KIAA0825: variants seen among roughly 807,000 people sequenced by gnomAD.
KIAA0825 encodes uncharacterized protein KIAA0825.
Under a neutral mutation model 147.6 loss-of-function variants are expected in KIAA0825, and 119 were observed. The ratio of observed to expected loss-of-function variants is 0.81; its 90% CI spans 0.69 to 0.94. The LOEUF is 0.94. KIAA0825 is among the 40% of genes least tolerant of loss of function. The pLI, the probability that KIAA0825 is intolerant of heterozygous loss-of-function variation, is 0.00. For synonymous variants in KIAA0825, 470 were observed against 518.1 expected, an observed-to-expected ratio of 0.91 and a Z score of 1.26; for missense variants, 1,381 against 1,472.7, an observed-to-expected ratio of 0.94 and a Z score of 1.02.
intron 20 of KIAA0825, among the ~76,000 whole-genome samples, chr5:94,218,684 T>C (rs1434644747): frequency 6.6e-6 from 1 of 152,154 alleles, no homozygotes; most frequent in African/African-American, 2.4e-5. Context: ...TGGAGTGCCT[T>C]GTCCATGAAC....
chr5:94,183,107 C>A (rs562793917), intron 20 of KIAA0825, among the ~76,000 whole-genome samples: 18 of 152,160 alleles, frequency 1.2e-4, no homozygotes, highest in African/African-American at 4.1e-4. Flanking sequence ...GAAATGAATC[C>A]TTTGGAAAGG....
chr5:94,576,939 T>A (rs1781161912), intron 2 of KIAA0825, among the ~76,000 whole-genome samples: 1 of 152,196 alleles, frequency 6.6e-6, no homozygotes, highest in African/African-American at 2.4e-5. Flanking sequence ...TTTGTTCAAT[T>A]TGTTGGATAA....
intron 20 of KIAA0825, among the ~76,000 whole-genome samples, chr5:94,324,376 CAAT>C (rs1335078735): frequency 1.3e-5 from 2 of 151,922 alleles, no homozygotes; most frequent in African/African-American, 4.8e-5. Flanking sequence ...AGCAAGGTAA[CAAT>C]ATTATAGTTC....
chr5:94,593,815 G>A, intron 1 of KIAA0825: 1 of 336,608 alleles, frequency 3.0e-6, no homozygotes, highest in Non-Finnish European at 6.1e-6. Flanking sequence ...GAGAATTATT[G>A]CTTAGTTATT....
chr5:94,446,007 G>A (rs1210281727), intron 13 of KIAA0825, among the ~76,000 whole-genome samples: 2 of 152,134 alleles, frequency 1.3e-5, no homozygotes, highest in Admixed American at 1.3e-4. Context: ...GCAGTTGGGA[G>A]ACCAAAAACT....
chr5:94,259,909 G>A (rs2150130748), intron 20 of KIAA0825, among the ~76,000 whole-genome samples: 1 of 151,846 alleles, frequency 6.6e-6, no homozygotes, highest in East Asian at 1.9e-4. Flanking sequence ...AATGGGCCAT[G>A]TGGCTGAATA....
intron 2 of KIAA0825, among the ~76,000 whole-genome samples, chr5:94,564,992 TCCTCTCTCTCTCTCTC>T (rs1371317419): frequency 1.2e-4 from 16 of 135,222 alleles, no homozygotes; most frequent in African/African-American, 4.2e-4. Flanking sequence ...TCTTCTCTTC[TCCTCTCTCTCTCTCTC>T]CCTCTCTCTC....
At chr5:94,502,967 G>C (rs1446561100) in intron 5 of KIAA0825, among the ~76,000 whole-genome samples, 2 of 151,592 alleles carry the variant, frequency 1.3e-5, no homozygotes, top group Non-Finnish European at 2.9e-5. Context: ...AAATTAGCTG[G>C]GCATGGTGGT....
chr5:94,584,873 G>A (rs1386502534), intron 1 of KIAA0825, among the ~76,000 whole-genome samples: 3 of 152,170 alleles, frequency 2.0e-5, no homozygotes, highest in African/African-American at 4.8e-5. Context: ...AGAAGAGAGT[G>A]GGGGCCAAAA....
At chr5:94,156,719 C>A (rs1253591731) in intron 20 of KIAA0825, among the ~76,000 whole-genome samples, 1 of 152,082 alleles carries the variant, frequency 6.6e-6, no homozygotes, top group Non-Finnish European at 1.5e-5. Flanking sequence ...CCTACCACAA[C>A]TTTATTATAT....
chr5:94,317,147 C>CCA (rs1779732169), intron 20 of KIAA0825, among the ~76,000 whole-genome samples: 1 of 151,778 alleles, frequency 6.6e-6, no homozygotes, highest in South Asian at 2.1e-4. Flanking sequence ...CAGGTGGTTT[C>CCA]CTTCCCACCA....
chr5:94,459,817 AATATAG>A (rs1357327955), intron 12 of KIAA0825, among the ~76,000 whole-genome samples: 1 of 152,150 alleles, frequency 6.6e-6, no homozygotes, highest in African/African-American at 2.4e-5. Flanking sequence ...CATTCGGGTA[AATATAG>A]ATATAGACAT....
rs973776238 is a variant in KIAA0825 at position 94,151,441 on chromosome 5, A to G, written c.*2566T>C. ...TCCGTCTCAAAAAAAAAAAAAAAAA[A>G]AAAAAAAAAACATATTGAGTATAAA... On this transcript the variant is annotated 3_prime_UTR_variant, in exon 21 of 21. Coordinates refer to ENST00000682413, the MANE Select transcript of KIAA0825 (RefSeq NM_001145678.3). Among the ~76,000 whole-genome samples, 1 of 151,204 alleles carries G rather than the reference A, an allele frequency of 6.6e-6. No homozygotes were observed. The highest frequency in any genetic ancestry group is 2.1e-4 in the South Asian group (1 of 4,818).
At chr5:94,395,952 A>C in intron 17 of KIAA0825, 149 bp downstream of exon 17, 2 of 674,464 alleles carry the variant, frequency 3.0e-6, no homozygotes, top group East Asian at 6.1e-5. Context: ...TTTTAATGGG[A>C]TACTTATCTT....
intron 3 of KIAA0825, among the ~76,000 whole-genome samples, chr5:94,529,339 GT>G (rs1238827916): frequency 3.1e-4 from 32 of 101,958 alleles, no homozygotes; most frequent in African/African-American, 1.0e-3. Context: ...TCATATATAT[GT>G]ATATATCATA....
intron 17 of KIAA0825, 83 bp downstream of exon 17, chr5:94,396,018 T>G: frequency 7.9e-7 from 1 of 1,269,294 alleles, no homozygotes; most frequent in Non-Finnish European, 1.0e-6. Flanking sequence ...GCTGCCCATC[T>G]GACAATATAT....
chr5:94,414,935 C>G (rs992632082), intron 15 of KIAA0825: 3 of 152,196 alleles, frequency 2.0e-5, no homozygotes, highest in African/African-American at 7.2e-5. Flanking sequence ...ACCTGATGAT[C>G]TGAGGTGGAA....
intron 14 of KIAA0825, among the ~76,000 whole-genome samples, chr5:94,433,449 GT>G (rs1314884225): frequency 2.6e-5 from 4 of 152,134 alleles, no homozygotes; most frequent in African/African-American, 9.7e-5. Context: ...AGTACAAAAG[GT>G]ACTATGAAAA....
At chr5:94,361,928 A>G (rs1440916501) in intron 20 of KIAA0825, among the ~76,000 whole-genome samples, 1 of 152,174 alleles carries the variant, frequency 6.6e-6, no homozygotes, top group African/African-American at 2.4e-5. Context: ...ACTTACACAC[A>G]CTGAAGAACA....
Sources: gnomAD v4.1 joint callset for allele counts (sites outside exome capture counted in the v4.1 genomes callset) on GRCh38, gnomAD v4.1.1 for gene constraint, MANE v1.5 for transcripts, NCBI Gene and HGNC (gene_info 2026-07-23, HGNC 2026-07-21) for gene names.